Variants in NTM observed in about 807,000 individuals in gnomAD.
NTM encodes the protein neurotrimin.
In NTM, 13 loss-of-function variants were observed where a neutral mutation model predicts 42.1. That is an observed-to-expected ratio of 0.31 (90% CI 0.20 to 0.49). NTM has a LOEUF of 0.49. Ranked by LOEUF, NTM falls within the 20% of genes least tolerant of loss-of-function variation. The pLI is 0.99. For missense variants in NTM, 373 were observed against 452.8 expected (o/e 0.82, Z 1.60); for synonymous variants, 187 against 179.2 (o/e 1.04, Z -0.35).
At chr11:132,243,254 A>G (rs2090518907) in intron 4 of NTM, among the ~76,000 whole-genome samples, 1 of 152,236 alleles carries the variant, frequency 6.6e-6, no homozygotes, top group African/African-American at 2.4e-5. Flanking sequence ...GAGCTTGGTA[A>G]GAAGTCAGTA....
intron 1 of NTM, chr11:131,671,507 C>G: frequency 1.0e-6 from 1 of 984,288 alleles, no homozygotes; most frequent in South Asian, 4.7e-5. Flanking sequence ...CTGGCAGGGC[C>G]TACCGGTGGC....
intron 1 of NTM, among the ~76,000 whole-genome samples, chr11:131,451,468 G>C (rs1174712035): frequency 6.6e-6 from 1 of 152,208 alleles, no homozygotes; most frequent in Non-Finnish European, 1.5e-5. Flanking sequence ...CTTAGAGAAG[G>C]CTTTGTGGAA....
At chr11:132,270,012 G>A (rs1016214793) in intron 4 of NTM, among the ~76,000 whole-genome samples, 18 of 152,090 alleles carry the variant, frequency 1.2e-4, no homozygotes, top group African/African-American at 3.9e-4. Context: ...ATTCCTTCAT[G>A]TCTCTTTACA....
At chr11:132,262,947 T>A (rs2092956754) in intron 4 of NTM, among the ~76,000 whole-genome samples, 1 of 152,086 alleles carries the variant, frequency 6.6e-6, no homozygotes, top group Non-Finnish European at 1.5e-5. Flanking sequence ...AATACAATAG[T>A]GGGACAGGAA....
At chr11:131,703,655 G>A (rs2076291426) in intron 1 of NTM, among the ~76,000 whole-genome samples, 1 of 152,208 alleles carries the variant, frequency 6.6e-6, no homozygotes, top group African/African-American at 2.4e-5. Context: ...ATCCAGATGA[G>A]AGGCCACAGC....
chr11:132,333,614 G>A (rs1358397900), intron 8 of NTM, among the ~76,000 whole-genome samples: 1 of 152,092 alleles, frequency 6.6e-6, no homozygotes, highest in Non-Finnish European at 1.5e-5. Flanking sequence ...TTGGTTTTGT[G>A]TTTTCTCCTT....
intron 3 of NTM, among the ~76,000 whole-genome samples, chr11:132,177,116 A>C (rs774710246): frequency 6.6e-6 from 1 of 152,226 alleles, no homozygotes; most frequent in African/African-American, 2.4e-5. Context: ...TGCATGGATT[A>C]TAACAGTCTA....
At chr11:132,098,625 G>A (rs937586044) in intron 2 of NTM, among the ~76,000 whole-genome samples, 1 of 152,214 alleles carries the variant, frequency 6.6e-6, no homozygotes, top group African/African-American at 2.4e-5. Flanking sequence ...TTCAACTCCA[G>A]GCAAGTCTGG....
intron 2 of NTM, among the ~76,000 whole-genome samples, chr11:132,118,933 A>C (rs1353477153): frequency 1.3e-5 from 2 of 151,924 alleles, no homozygotes; most frequent in Non-Finnish European, 2.9e-5. Context: ...AAGGGGGTGA[A>C]GGGGCTGGGA....
At chr11:131,882,747 C>G (rs2049744555) in intron 1 of NTM, among the ~76,000 whole-genome samples, 1 of 152,146 alleles carries the variant, frequency 6.6e-6, no homozygotes, top group Non-Finnish European at 1.5e-5. Context: ...CAAATATTCT[C>G]TGCTTATTTG....
chr11:131,868,706 C>A (rs1302901341), intron 1 of NTM, among the ~76,000 whole-genome samples: 1 of 152,178 alleles, frequency 6.6e-6, no homozygotes, highest in Admixed American at 6.5e-5. Context: ...TTGTCCTCGT[C>A]GTATTTTATT....
chr11:131,994,930 C>G (rs959702435), intron 2 of NTM, among the ~76,000 whole-genome samples: 1 of 152,182 alleles, frequency 6.6e-6, no homozygotes, highest in African/African-American at 2.4e-5. Context: ...ATTCCTCCCC[C>G]TCTCTTATTC....
At chr11:132,068,561 T>C (rs887820678) in intron 2 of NTM, among the ~76,000 whole-genome samples, 1 of 152,252 alleles carries the variant, frequency 6.6e-6, no homozygotes, top group Non-Finnish European at 1.5e-5. Context: ...ACAAGTTCTT[T>C]GAGCCTCTAC....
At chr11:131,580,803 G>A (rs1339964254) in intron 1 of NTM, among the ~76,000 whole-genome samples, 1 of 152,142 alleles carries the variant, frequency 6.6e-6, no homozygotes, top group East Asian at 1.9e-4. Flanking sequence ...TGCTCTCCTT[G>A]TAGAGATGAA....
intron 1 of NTM, among the ~76,000 whole-genome samples, chr11:131,562,596 C>T (rs574880715): frequency 3.4e-4 from 51 of 152,128 alleles, no homozygotes; most frequent in African/African-American, 1.2e-3. Context: ...ATGCAGCCAG[C>T]ACACAGGAGA....
intron 1 of NTM, among the ~76,000 whole-genome samples, chr11:131,762,989 G>T (rs974483157): frequency 2.0e-5 from 3 of 152,200 alleles, no homozygotes; most frequent in Admixed American, 2.0e-4. Flanking sequence ...CAAACAACGG[G>T]CTCGGTTCTG....
At chr11:132,256,816 G>A (rs1202957371) in intron 4 of NTM, among the ~76,000 whole-genome samples, 1 of 152,172 alleles carries the variant, frequency 6.6e-6, no homozygotes, top group Non-Finnish European at 1.5e-5. Context: ...CCAGCCGCAG[G>A]AGAGTGGGCC....
chr11:131,441,424 A>G (rs1358949379), intron 1 of NTM, among the ~76,000 whole-genome samples: 3 of 152,194 alleles, frequency 2.0e-5, no homozygotes, highest in Non-Finnish European at 4.4e-5. Context: ...TCTGATTCTT[A>G]TTGAATTAAG....
intron 1 of NTM, among the ~76,000 whole-genome samples, chr11:131,646,608 G>A (rs1420137154): frequency 6.6e-6 from 1 of 152,068 alleles, no homozygotes; most frequent in Non-Finnish European, 1.5e-5. Flanking sequence ...TTTAGCATAC[G>A]TGGTACTAAA....
Sources: gnomAD v4.1 joint callset for allele counts (sites outside exome capture counted in the v4.1 genomes callset) on GRCh38, gnomAD v4.1.1 for gene constraint, MANE v1.5 for transcripts, NCBI Gene and HGNC (gene_info 2026-07-23, HGNC 2026-07-21) for gene names.